RALGPS2: variants seen among roughly 807,000 people sequenced by gnomAD.
RALGPS2 encodes the protein Ral GEF with PH domain and SH3 binding motif 2, also known as ras-specific guanine nucleotide-releasing factor RalGPS2.
A neutral mutation model predicts 86.8 loss-of-function variants in RALGPS2; 43 were observed. The observed-to-expected ratio is 0.50, with a 90% CI of 0.39 to 0.64. The LOEUF (loss-of-function observed/expected upper bound fraction) is 0.64, where lower values mean the gene tolerates loss of function less well. Among genes scored for constraint, RALGPS2 ranks in the 30% least tolerant of loss-of-function variants. The pLI, the probability that RALGPS2 is intolerant of heterozygous loss-of-function variation, is 0.00. For synonymous variants in RALGPS2, 243 were observed against 231.3 expected, an observed-to-expected ratio of 1.05 and a Z score of -0.46; for missense variants, 536 against 694.6, an observed-to-expected ratio of 0.77 and a Z score of 2.57.
intron 4 of RALGPS2, among the ~76,000 whole-genome samples, chr1:178,798,811 A>G (rs1161589569): frequency 1.3e-5 from 2 of 152,202 alleles, no homozygotes; most frequent in Admixed American, 1.3e-4. Context: ...ATATTATTCA[A>G]GAAAAAGCAA....
chr1:178,729,751 T>C (rs1321419133), intron 1 of RALGPS2, among the ~76,000 whole-genome samples: 1 of 152,152 alleles, frequency 6.6e-6, no homozygotes, highest in African/African-American at 2.4e-5. Context: ...TCAACAAAAT[T>C]TGAAATCTGA....
chr1:178,855,166 T>G (rs927605135), intron 8 of RALGPS2, among the ~76,000 whole-genome samples: 1 of 152,040 alleles, frequency 6.6e-6, no homozygotes, highest in Non-Finnish European at 1.5e-5. Flanking sequence ...TTGCCAGATA[T>G]GTACAGTATT....
chr1:178,852,343 T>A (rs1401056958), intron 8 of RALGPS2, among the ~76,000 whole-genome samples: 4 of 152,218 alleles, frequency 2.6e-5, no homozygotes, highest in Non-Finnish European at 5.9e-5. Flanking sequence ...TGTTCACTGT[T>A]ATATCCCTAG....
intron 2 of RALGPS2, among the ~76,000 whole-genome samples, chr1:178,782,247 G>T (rs1426365628): frequency 1.3e-5 from 2 of 152,120 alleles, no homozygotes; most frequent in African/African-American, 4.8e-5. Context: ...CTCCTTGGGT[G>T]TCCAGTCTTA....
intron 17 of RALGPS2, among the ~76,000 whole-genome samples, chr1:178,897,993 C>T (rs915746992): frequency 6.6e-6 from 1 of 151,932 alleles, no homozygotes; most frequent in Non-Finnish European, 1.5e-5. Context: ...TCTGGAGTTT[C>T]CTGTTCAATA....
intron 8 of RALGPS2, among the ~76,000 whole-genome samples, chr1:178,867,617 C>T (rs954405759): frequency 1.3e-5 from 2 of 151,954 alleles, no homozygotes; most frequent in Non-Finnish European, 1.5e-5. Context: ...TTTTTCGCTG[C>T]CTTTTCCTGG....
intron 2 of RALGPS2, among the ~76,000 whole-genome samples, chr1:178,777,252 A>G (rs1440740551): frequency 6.6e-6 from 1 of 151,992 alleles, no homozygotes; most frequent in African/African-American, 2.4e-5. Flanking sequence ...CCAATAACAG[A>G]CAAACAGACA....
chr1:178,741,603 G>A (rs560388550), intron 1 of RALGPS2, among the ~76,000 whole-genome samples: 15 of 152,102 alleles, frequency 9.9e-5, no homozygotes, highest in Non-Finnish European at 1.3e-4. Context: ...CCTGAAGGAA[G>A]ACCATGGTAA....
At chr1:178,798,856 T>G (rs1303344709) in intron 4 of RALGPS2, among the ~76,000 whole-genome samples, 1 of 152,190 alleles carries the variant, frequency 6.6e-6, no homozygotes, top group Non-Finnish European at 1.5e-5. Flanking sequence ...GAAGGTGAAG[T>G]ATCTAAAGCT....
intron 4 of RALGPS2, among the ~76,000 whole-genome samples, chr1:178,805,803 A>G (rs1025415987): frequency 6.6e-6 from 1 of 152,076 alleles, no homozygotes; most frequent in Non-Finnish European, 1.5e-5. Context: ...AAGTAACTAT[A>G]TTTTTTACAA....
chr1:178,817,472 C>T (rs1655288319), intron 6 of RALGPS2, among the ~76,000 whole-genome samples: 1 of 150,422 alleles, frequency 6.6e-6, no homozygotes, highest in South Asian at 2.1e-4. Flanking sequence ...TATTTCTGTT[C>T]CTTTGATTTA....
intron 10 of RALGPS2, among the ~76,000 whole-genome samples, chr1:178,879,984 T>G (rs1367733977): frequency 6.6e-6 from 1 of 152,068 alleles, no homozygotes; most frequent in Non-Finnish European, 1.5e-5. Flanking sequence ...ATAAAGAGCT[T>G]ATTTCTCTTG....
intron 4 of RALGPS2, among the ~76,000 whole-genome samples, chr1:178,791,948 T>C (rs1318921559): frequency 6.6e-6 from 1 of 152,208 alleles, no homozygotes; most frequent in Non-Finnish European, 1.5e-5. Context: ...ATCTCTGAAG[T>C]GTTAAAAATT....
intron 1 of RALGPS2, among the ~76,000 whole-genome samples, chr1:178,742,964 C>G (rs1022895579): frequency 6.6e-6 from 1 of 152,142 alleles, no homozygotes; most frequent in Non-Finnish European, 1.5e-5. Context: ...GCCTGTAATC[C>G]CAACACTTTG....
Position 178,920,220 on chromosome 1 carries a change from T to G in RALGPS2, c.*3861T>G, listed in dbSNP as rs908797907. On this transcript the variant is annotated 3_prime_UTR_variant, in exon 20 of 20. Coordinates refer to ENST00000367635, the MANE Select transcript of RALGPS2 (RefSeq NM_152663.5). ...ATGATTTAAGTACCTTTGATTTTGC[T>G]CCCCTAAAAATGGCTTGTGTCTAAA... 6.6e-6 allele frequency: 1 copy of G among 152,010 alleles called. No homozygotes were observed. The highest frequency in any genetic ancestry group is 2.4e-5 in the African/African-American group (1 of 41,432). 9.4% of individuals were successfully genotyped at this position (152,010 alleles called of 1,614,324 possible). A position where few individuals can be genotyped will look rare whatever the true frequency, so the allele number is the denominator to read the frequency against.
chr1:178,888,103 C>T (rs1185653306), intron 13 of RALGPS2, among the ~76,000 whole-genome samples: 1 of 152,052 alleles, frequency 6.6e-6, no homozygotes, highest in African/African-American at 2.4e-5. Flanking sequence ...GTTAGTGTCT[C>T]AGTGTGGAGA....
At chr1:178,847,722 A>T (rs1438576716) in intron 8 of RALGPS2, among the ~76,000 whole-genome samples, 1 of 152,200 alleles carries the variant, frequency 6.6e-6, no homozygotes, top group African/African-American at 2.4e-5. Context: ...TCTGCTGCTT[A>T]TATTACCAGC....
intron 4 of RALGPS2, among the ~76,000 whole-genome samples, chr1:178,798,975 G>A (rs34181333): frequency 6.6e-6 from 1 of 152,090 alleles, no homozygotes; most frequent in Non-Finnish European, 1.5e-5. Context: ...AGCAGCAGCA[G>A]ACAGGCTCCC....
intron 1 of RALGPS2, among the ~76,000 whole-genome samples, chr1:178,763,946 C>T (rs1300711630): frequency 6.6e-6 from 1 of 151,700 alleles, no homozygotes; most frequent in Non-Finnish European, 1.5e-5. Context: ...GTGCCTTGTT[C>T]AGATGAGAAG....
Sources: allele counts gnomAD v4.1 joint callset (sites outside exome capture counted in the v4.1 genomes callset), GRCh38; gene constraint gnomAD v4.1.1; transcripts MANE v1.5; gene names NCBI Gene and HGNC (gene_info 2026-07-23, HGNC 2026-07-21).